SHROOM4: variants seen among roughly 807,000 people sequenced by gnomAD.
SHROOM4 encodes protein Shroom4.
A neutral mutation model predicts 80.3 loss-of-function variants in SHROOM4; 17 were observed. That is an observed-to-expected ratio of 0.21 (90% CI 0.14 to 0.32). The LOEUF is 0.32. Ranked by LOEUF, SHROOM4 falls within the 10% of genes least tolerant of loss-of-function variation. The pLI is 1.00. For synonymous variants in SHROOM4, 400 were observed against 437.5 expected, an observed-to-expected ratio of 0.91 and a Z score of 1.07; for missense variants, 993 against 1,140.3, an observed-to-expected ratio of 0.87 and a Z score of 1.86.
chrX:50,670,998 C>A (rs1383377787), intron 2 of SHROOM4, among the ~76,000 whole-genome samples: 3 of 112,054 alleles, frequency 2.7e-5, no homozygotes, highest in African/African-American at 9.7e-5. Context: ...CTATGGGCTG[C>A]AGAATGGATG....
At position 50,633,571 on chromosome X, in the gene SHROOM4, G is replaced by A. The variant is rs531622379; in HGVS notation, c.2502C>T (p.Asp834=). The change falls in exon 4 of 9, where the codon GAC becomes GAT. Residue 834 remains aspartate, a synonymous_variant. Transcript: ENST00000376020. ...ATTGGTCTGTGGCATGATATGGTTG[G>A]TCTGCGGAATGATATGATTGGTCCA... ...HPMDQSYHSA[D]QPYHATDQSY... is the part of the protein sequence containing the mutation. 1.0e-4 allele frequency: 126 copies of A among 1,210,063 alleles called. No homozygotes were observed. In the East Asian group the frequency reaches 2.9e-3, roughly 28 times the overall value.
intron 1 of SHROOM4, among the ~76,000 whole-genome samples, chrX:50,717,301 TCCGCCTC>T (rs1453473726): frequency 1.8e-5 from 2 of 111,812 alleles, no homozygotes; most frequent in Non-Finnish European, 3.8e-5. Context: ...CACTGCAAGC[TCCGCCTC>T]CCGGGTTCAA....
intron 2 of SHROOM4, among the ~76,000 whole-genome samples, chrX:50,650,565 G>A (rs782319105): frequency 2.8e-5 from 3 of 106,980 alleles, no homozygotes; most frequent in Non-Finnish European, 5.8e-5. Context: ...TCACCATGTT[G>A]GCTAGGATGG....
intron 2 of SHROOM4, among the ~76,000 whole-genome samples, chrX:50,646,527 A>AGTGTGTGT (rs782016561): frequency 0.014 from 1,098 of 78,761 alleles, 11 homozygotes; most frequent in Non-Finnish European, 0.018. Context: ...AGGGGGGAAG[A>AGTGTGTGT]GTGTGTGTGT....
chrX:50,763,157 G>C (rs931190936), intron 1 of SHROOM4, among the ~76,000 whole-genome samples: 9 of 110,354 alleles, frequency 8.2e-5, no homozygotes, highest in Non-Finnish European at 1.7e-4. Context: ...TCTTCTTCCA[G>C]CCTTATTTAC....
chrX:50,781,326 T>C (rs1357874865), intron 1 of SHROOM4, among the ~76,000 whole-genome samples: 2 of 111,074 alleles, frequency 1.8e-5, no homozygotes, highest in African/African-American at 6.6e-5. Context: ...ATAACCACCA[T>C]CCAACATAAT....
intron 1 of SHROOM4, among the ~76,000 whole-genome samples, chrX:50,806,019 CTG>C (rs1464942880): frequency 9.4e-6 from 1 of 106,212 alleles, no homozygotes; most frequent in Non-Finnish European, 1.9e-5. Flanking sequence ...GAAGGGCTCA[CTG>C]TGACCAAAAA....
intron 2 of SHROOM4, among the ~76,000 whole-genome samples, chrX:50,667,838 A>G (rs1162178842): frequency 8.9e-6 from 1 of 111,887 alleles, no homozygotes; most frequent in East Asian, 2.8e-4. Flanking sequence ...GCTGAGAAGC[A>G]ACAACCTGGA....
chrX:50,757,628 G>T (rs1292605083), intron 1 of SHROOM4, among the ~76,000 whole-genome samples: 1 of 111,350 alleles, frequency 9.0e-6, no homozygotes, highest in Non-Finnish European at 1.9e-5. Flanking sequence ...ATCGAGATCA[G>T]CCTGGCCAAC....
rs142828222 is a variant in SHROOM4, at chrX:50,697,046, T to C, written c.118-1109A>G. 3.7e-3 allele frequency among the ~76,000 whole-genome samples: 410 copies of C among 111,867 alleles called. 2 individuals carry two copies. Among genetic ancestry groups the C allele is most frequent in the South Asian group, 4.6e-3 (12 of 2,619 alleles). On this transcript the variant is annotated intron_variant, in intron 1 of 8. Transcript: ENST00000376020. ...CCATCCATTAATCATTCCTTAAGTA[T>C]TGAATCACATTTCTATTATGTACAG...
chrX:50,658,641 A>G (rs1198503847), intron 2 of SHROOM4, among the ~76,000 whole-genome samples: 1 of 111,573 alleles, frequency 9.0e-6, no homozygotes, highest in Admixed American at 9.6e-5. Context: ...CTTAACCACT[A>G]TTCTAACCTC....
At position 50,759,473 on chromosome X, in the gene SHROOM4, G is replaced by A. The variant is rs1557268677; in HGVS notation, c.117+54429C>T. On this transcript the variant is annotated intron_variant, in intron 1 of 8. Transcript: ENST00000376020. Reference sequence around the variant, plus strand: ...ATTTGTTATGGCAGTGCTAGCAAACGATCAATTTTGTTGATATTTTCAGAC... The same window carrying A: ...ATTTGTTATGGCAGTGCTAGCAAACAATCAATTTTGTTGATATTTTCAGAC... Among the ~76,000 whole-genome samples, 3 of 111,723 alleles carry A rather than the reference G, an allele frequency of 2.7e-5. No homozygotes were observed. The Admixed American group carries it at 2.8e-4, about 11-fold the overall frequency.
chrX:50,608,195 T>G lies in SHROOM4; in HGVS notation c.2958-11A>C. 8.3e-7 allele frequency: 1 copy of G among 1,209,632 alleles called. No homozygotes were observed. Among genetic ancestry groups the G allele is most frequent in the Non-Finnish European group, 1.1e-6 (1 of 893,868 alleles). ...GAATGAGCCATTTCCCTGCAAAACA[T>G]CAGATGAGTACTGAGAAAAACAAGC... On this transcript the variant is annotated splice_polypyrimidine_tract_variant and intron_variant, in intron 5 of 8. Transcript: ENST00000376020.
At chrX:50,597,146 C>T (rs1929149802) in intron 8 of SHROOM4, among the ~76,000 whole-genome samples, 182 bp from the exon 9 acceptor site, 2 of 112,618 alleles carry the variant, frequency 1.8e-5, no homozygotes, top group African/African-American at 6.5e-5. Context: ...TTTCCTGTAG[C>T]AGGAGGGTAA....
rs913550508 is a variant in SHROOM4, at chrX:50,725,367, C to T, written c.118-29430G>A. 7.9e-4 allele frequency among the ~76,000 whole-genome samples: 88 copies of T among 112,078 alleles called. 1 individual carries two copies. The highest frequency in any genetic ancestry group is 2.7e-3 in the African/African-American group (84 of 30,916). ...AAAGCAGGCCAAGAATACTAAGGCC[C>T]CAATCACCTCACCACAACTTGCTCA... On this transcript the variant is annotated intron_variant, in intron 1 of 8. Coordinates refer to ENST00000376020, the MANE Select transcript of SHROOM4 (RefSeq NM_020717.5).
chrX:50,611,695 G>A (rs1024499434), intron 5 of SHROOM4, among the ~76,000 whole-genome samples: 17 of 110,537 alleles, frequency 1.5e-4, no homozygotes, highest in African/African-American at 5.3e-4. Flanking sequence ...CGAGGCGGGC[G>A]GATCACTTGA....
chrX:50,757,745 C>A (rs1557268518), intron 1 of SHROOM4, among the ~76,000 whole-genome samples: 1 of 109,416 alleles, frequency 9.1e-6, no homozygotes, highest in East Asian at 2.9e-4. Context: ...ATCGCTTGAA[C>A]CCGGGAGGTG....
chrX:50,787,326 C>T, intron 1 of SHROOM4, among the ~76,000 whole-genome samples: 1 of 110,309 alleles, frequency 9.1e-6, no homozygotes, highest in African/African-American at 3.3e-5. Context: ...AAGAAAGGAT[C>T]AGCAAAGTTG....
intron 1 of SHROOM4, among the ~76,000 whole-genome samples, chrX:50,802,603 T>C (rs1557272715): frequency 8.9e-6 from 1 of 112,431 alleles, no homozygotes; most frequent in East Asian, 2.8e-4. Flanking sequence ...TCCTTCAAAA[T>C]GACCTTACCT....
Sources: allele counts gnomAD v4.1 joint callset (sites outside exome capture counted in the v4.1 genomes callset), GRCh38; gene constraint gnomAD v4.1.1; transcripts MANE v1.5; gene names NCBI Gene and HGNC (gene_info 2026-07-23, HGNC 2026-07-21).